The following FBXW10B variants were observed in gnomAD, a reference collection of about 807,000 sequenced individuals.
The protein encoded by FBXW10B is F-box and WD repeat domain containing protein 10B.
the FBXW10B span, chr17:15,598,703 A>C: frequency 6.3e-7 from 1 of 1,593,724 alleles, no homozygotes; most frequent in Non-Finnish European, 8.6e-7. Flanking sequence ...GGCCCAAAGG[A>C]TCATACTGCG....
At chr17:15,574,085 C>T in the FBXW10B span, 1,165 of 714,416 alleles carry the variant, frequency 1.6e-3, 12 homozygotes, top group African/African-American at 0.018. Flanking sequence ...CATCTGGTTG[C>T]CTCCGTCACT....
chr17:15,615,926 C>G, the FBXW10B span: 236 of 1,443,234 alleles, frequency 1.6e-4, no homozygotes, highest in African/African-American at 2.1e-3. Context: ...CAGAATGGAC[C>G]AGAGCAGTTA....
At chr17:15,610,749 T>G in the FBXW10B span, among the ~76,000 whole-genome samples, 1 of 152,154 alleles carries the variant, frequency 6.6e-6, no homozygotes, top group African/African-American at 2.4e-5. Context: ...CTGTCAAAAC[T>G]TCCTAGAATG....
chr17:15,605,561 G>A, the FBXW10B span: 2 of 1,459,318 alleles, frequency 1.4e-6, no homozygotes, highest in East Asian at 2.4e-5. Context: ...GGCAGCAGAA[G>A]GCAAGGTTGA....
At chr17:15,566,036 G>A in the FBXW10B span, 4 of 1,609,596 alleles carry the variant, frequency 2.5e-6, no homozygotes, top group Admixed American at 1.7e-5. Flanking sequence ...TGGATTTCAA[G>A]GGGAATACTG....
the FBXW10B span, chr17:15,605,241 C>T: frequency 1.9e-6 from 3 of 1,594,242 alleles, no homozygotes; most frequent in African/African-American, 2.8e-5. Flanking sequence ...TAGGTCATAG[C>T]TCCCGCTTAG....
the FBXW10B span, among the ~76,000 whole-genome samples, chr17:15,601,192 A>G: frequency 7.1e-4 from 106 of 148,806 alleles, no homozygotes; most frequent in East Asian, 2.2e-3. Flanking sequence ...GGCGGATCAC[A>G]AGGTCAGGAG....
the FBXW10B span, among the ~76,000 whole-genome samples, chr17:15,569,437 TTTTTTC>T: frequency 9.1e-4 from 135 of 149,130 alleles, 1 homozygote; most frequent in African/African-American, 2.9e-3. Flanking sequence ...TATGTCTTCT[TTTTTTC>T]TTTTTCTTTT....
At chr17:15,615,931 C>A in the FBXW10B span, 2 of 1,413,746 alleles carry the variant, frequency 1.4e-6, no homozygotes, top group South Asian at 1.5e-5. Context: ...TGGACCAGAG[C>A]AGTTATGTCT....
At chr17:15,612,230 G>T in the FBXW10B span, among the ~76,000 whole-genome samples, 1 of 152,152 alleles carries the variant, frequency 6.6e-6, no homozygotes, top group Non-Finnish European at 1.5e-5. Context: ...GTGTCGGGCT[G>T]GGCGCGGTGG....
chr17:15,569,926 T>C, the FBXW10B span, among the ~76,000 whole-genome samples: 3 of 152,168 alleles, frequency 2.0e-5, no homozygotes, highest in Non-Finnish European at 4.4e-5. Flanking sequence ...CATTATTTGT[T>C]TGTTTGTTTG....
the FBXW10B span, among the ~76,000 whole-genome samples, chr17:15,611,773 G>A: frequency 6.6e-6 from 1 of 152,170 alleles, no homozygotes; most frequent in African/African-American, 2.4e-5. Flanking sequence ...AGGTGGGGGG[G>A]CGCAGAAATC....
the FBXW10B span, chr17:15,612,700 C>T: frequency 6.2e-7 from 1 of 1,614,034 alleles, no homozygotes; most frequent in Non-Finnish European, 8.5e-7. Flanking sequence ...TTGGAACCCA[C>T]CTTCGTTCTC....
the FBXW10B span, among the ~76,000 whole-genome samples, chr17:15,569,513 A>G: frequency 0.9 from 122,190 of 135,234 alleles, 55,361 homozygotes; most frequent in Middle Eastern, 0.95. Flanking sequence ...TTAGGCTGGA[A>G]TGCAGTGGCA....
chr17:15,614,282 G>A, the FBXW10B span, among the ~76,000 whole-genome samples: 19 of 151,984 alleles, frequency 1.3e-4, no homozygotes, highest in Non-Finnish European at 1.9e-4. Context: ...TCTGCCTCCC[G>A]GGTTCACGCC....
At chr17:15,601,408 C>CAAAAAAAAAAAAA in the FBXW10B span, among the ~76,000 whole-genome samples, 1 of 66,622 alleles carries the variant, frequency 1.5e-5, no homozygotes, top group African/African-American at 4.8e-5. Flanking sequence ...GACTCCGTCT[C>CAAAAAAAAAAAAA]AAAAAAAAAA....
chr17:15,576,126 T>C, the FBXW10B span, among the ~76,000 whole-genome samples: 13 of 152,242 alleles, frequency 8.5e-5, no homozygotes, highest in African/African-American at 2.9e-4. Flanking sequence ...GTTCATCTAC[T>C]ATCTTTTATC....
At chr17:15,601,037 G>A in the FBXW10B span, among the ~76,000 whole-genome samples, 4 of 47,496 alleles carry the variant, frequency 8.4e-5, no homozygotes, top group Non-Finnish European at 1.1e-4. Context: ...GCAACAGAGC[G>A]AGACTCCATC....
the FBXW10B span, chr17:15,574,320 T>G: frequency 6.0e-6 from 3 of 502,074 alleles, no homozygotes; most frequent in Non-Finnish European, 1.0e-5. Flanking sequence ...CTATTTAAAT[T>G]CATCCTAAAA....
Sources: allele counts gnomAD v4.1 joint callset (sites outside exome capture counted in the v4.1 genomes callset), GRCh38; gene constraint gnomAD v4.1.1; transcripts MANE v1.5; gene names NCBI Gene and HGNC (gene_info 2026-07-23, HGNC 2026-07-21).